COL4A4: variants seen among roughly 807,000 people sequenced by gnomAD.
COL4A4 encodes the protein collagen alpha-4(IV) chain.
In COL4A4, 105 loss-of-function variants were observed where a neutral mutation model predicts 192.9. The observed-to-expected ratio is 0.54, with a 90% CI of 0.46 to 0.64. COL4A4 has a LOEUF of 0.64. Ranked by LOEUF, COL4A4 falls within the 30% of genes least tolerant of loss-of-function variation. COL4A4 has a pLI of 0.00. For missense variants in COL4A4, 1,967 were observed against 2,169.3 expected, an observed-to-expected ratio of 0.91 and a Z score of 1.85; for synonymous variants, 762 against 769.9, an observed-to-expected ratio of 0.99 and a Z score of 0.17.
At chr2:227,024,004 CAA>C (rs61317428) in intron 43 of COL4A4, among the ~76,000 whole-genome samples, 68,630 of 137,434 alleles carry the variant, frequency 0.5, 15,961 homozygotes, top group South Asian at 0.58. Context: ...GACTCTGTCT[CAA>C]AAAAAAAAAA....
At chr2:227,106,436 A>C (rs942197602) in intron 12 of COL4A4, among the ~76,000 whole-genome samples, 3 of 152,250 alleles carry the variant, frequency 2.0e-5, no homozygotes, top group Non-Finnish European at 4.4e-5. Context: ...GAAGAATTAA[A>C]ATGTAAAAGG....
intron 37 of COL4A4, among the ~76,000 whole-genome samples, chr2:227,037,657 G>A (rs985328952): frequency 3.9e-5 from 6 of 152,050 alleles, no homozygotes; most frequent in South Asian, 2.1e-4. Flanking sequence ...TTGAGGAATC[G>A]CCACACTGTC....
chr2:227,115,776 A>G (rs2061461019), intron 7 of COL4A4, among the ~76,000 whole-genome samples: 1 of 152,206 alleles, frequency 6.6e-6, no homozygotes, highest in South Asian at 2.1e-4. Flanking sequence ...GTTTGGTAGT[A>G]TCTGCAGTTT....
chr2:227,110,312 A>AG (rs2061120662), intron 9 of COL4A4, among the ~76,000 whole-genome samples: 2 of 152,222 alleles, frequency 1.3e-5, no homozygotes, highest in African/African-American at 2.4e-5. Context: ...CATGGACCTG[A>AG]GCTTCAATCG....
Position 227,099,706 on chromosome 2 carries a change from AT to A in COL4A4, c.1030-18del. The A allele has an allele frequency of 6.2e-7, 1 of 1,612,448 alleles. No homozygotes were observed. ...AGGATCCCCCTGAAATCATTCATTC[AT>A]TCACTTTTTAAAGGAATATTAATTT... On this transcript the variant is annotated intron_variant, in intron 17 of 47. Coordinates refer to ENST00000396625, the MANE Select transcript of COL4A4 (RefSeq NM_000092.5).
chr2:227,111,593 G>C (rs2061211929), intron 9 of COL4A4, 85 bp downstream of exon 9: 2 of 1,430,638 alleles, frequency 1.4e-6, no homozygotes, highest in African/African-American at 2.8e-5. Flanking sequence ...CACAAATTAT[G>C]TAGCTGGCTT....
At chr2:227,121,619 T>G (rs1024652921) in intron 4 of COL4A4, among the ~76,000 whole-genome samples, 2 of 124,316 alleles carry the variant, frequency 1.6e-5, no homozygotes, top group African/African-American at 6.6e-5. Flanking sequence ...GAAAAGGAAA[T>G]GAAAGGAAAA....
chr2:227,043,260 C>T, intron 35 of COL4A4, 76 bp from the exon 36 acceptor site: 2 of 1,213,166 alleles, frequency 1.6e-6, no homozygotes, highest in Admixed American at 1.7e-5. Flanking sequence ...TTCAGCCCAC[C>T]CTATTCTTTT....
the COL4A4 span, among the ~76,000 whole-genome samples, chr2:226,975,239 C>T: frequency 1.3e-5 from 2 of 152,040 alleles, no homozygotes; most frequent in Non-Finnish European, 2.9e-5. Flanking sequence ...AATCGATGCC[C>T]CTGAGGTAAT....
At chr2:227,018,187 C>T (rs930416549) in intron 44 of COL4A4, among the ~76,000 whole-genome samples, 1 of 152,172 alleles carries the variant, frequency 6.6e-6, no homozygotes, top group Non-Finnish European at 1.5e-5. Flanking sequence ...GTTCTCCACA[C>T]TGGAATTAAC....
At chr2:227,076,829 A>G (rs920630245) in intron 25 of COL4A4, among the ~76,000 whole-genome samples, 2 of 152,248 alleles carry the variant, frequency 1.3e-5, no homozygotes, top group Admixed American at 6.5e-5. Context: ...GGTGAAGGAT[A>G]TGAACAGATA....
intron 4 of COL4A4, among the ~76,000 whole-genome samples, 179 bp from the exon 5 acceptor site, chr2:227,121,327 C>T (rs559300840): frequency 6.6e-6 from 1 of 151,956 alleles, no homozygotes; most frequent in African/African-American, 2.4e-5. Context: ...TTTGGGAGGC[C>T]GAGACAACGA....
intron 37 of COL4A4, among the ~76,000 whole-genome samples, chr2:227,041,910 GAA>G (rs781711266): frequency 6.6e-6 from 1 of 151,042 alleles, no homozygotes; most frequent in Admixed American, 6.6e-5. Flanking sequence ...AAGAAAGAAA[GAA>G]AGAAAGAAAG....
the COL4A4 span, among the ~76,000 whole-genome samples, chr2:226,969,373 T>C: frequency 7.0e-6 from 1 of 143,644 alleles, no homozygotes; most frequent in Non-Finnish European, 1.5e-5. Context: ...AGCCATTTGC[T>C]CTGGGCTAAG....
At chr2:227,049,168 C>T (rs1973517166) in intron 34 of COL4A4, among the ~76,000 whole-genome samples, 1 of 152,122 alleles carries the variant, frequency 6.6e-6, no homozygotes, top group Admixed American at 6.5e-5. Flanking sequence ...AATGGTATAC[C>T]AAGATAGTAA....
At chr2:227,013,917 G>A (rs1400596152) in intron 44 of COL4A4, among the ~76,000 whole-genome samples, 1 of 152,054 alleles carries the variant, frequency 6.6e-6, no homozygotes, top group Non-Finnish European at 1.5e-5. Flanking sequence ...TTAAATGAGT[G>A]TGTTAACACA....
Position 227,045,835 on chromosome 2 carries a change from C to CATATATATAT in COL4A4, c.3289+1639_3289+1640insATATATATAT, listed in dbSNP as rs1396083524. Among the ~76,000 whole-genome samples, 198 of 35,096 alleles carry CATATATATAT rather than the reference C, an allele frequency of 5.6e-3. 39 individuals carry two copies. Among genetic ancestry groups the CATATATATAT allele is most frequent in the African/African-American group, 0.027 (163 of 6,038 alleles). The allele number at this position is 35,096 out of a possible 152,430, so 23.0% of individuals were successfully genotyped here. On this transcript the variant is annotated intron_variant, in intron 35 of 47. Coordinates refer to ENST00000396625, the MANE Select transcript of COL4A4 (RefSeq NM_000092.5). The stretch of plus-strand genomic sequence containing the variant: ...ATATATACACATATATATATATACA[C>CATATATATAT]ACATATATATATACACATATATATA...
intron 37 of COL4A4, among the ~76,000 whole-genome samples, chr2:227,041,922 G>GAAAA: frequency 6.7e-6 from 1 of 149,778 alleles, no homozygotes; most frequent in Non-Finnish European, 1.5e-5. Flanking sequence ...AAGAAAGAAA[G>GAAAA]AAAATGGTAG....
At chr2:227,141,810 T>TA (rs928888249) in intron 3 of COL4A4, among the ~76,000 whole-genome samples, 24 of 149,400 alleles carry the variant, frequency 1.6e-4, no homozygotes, top group African/African-American at 2.2e-4. Flanking sequence ...CTGATAAGGT[T>TA]AAAAAAAAAA....
Sources: gnomAD v4.1 joint callset for allele counts (sites outside exome capture counted in the v4.1 genomes callset) on GRCh38, gnomAD v4.1.1 for gene constraint, MANE v1.5 for transcripts, NCBI Gene and HGNC (gene_info 2026-07-23, HGNC 2026-07-21) for gene names.